Variants in EPG5 observed in about 807,000 individuals in gnomAD.
EPG5 encodes ectopic P-granules 5 autophagy tethering factor.
Under a neutral mutation model 302.7 loss-of-function variants are expected in EPG5, and 159 were observed. That is an observed-to-expected ratio of 0.53 (90% confidence interval 0.46 to 0.60). The LOEUF is 0.60. Among genes scored for constraint, EPG5 ranks in the 20% least tolerant of loss-of-function variants. The pLI is 0.00. For missense variants in EPG5, 2,896 were observed against 3,092.4 expected (o/e 0.94, Z 1.51); for synonymous variants, 1,158 against 1,136.8 (o/e 1.02, Z -0.37).
At chr18:45,923,218 T>A (rs2050194759) in intron 15 of EPG5, 50 bp downstream of exon 15, 1 of 1,594,836 alleles carries the variant, frequency 6.3e-7, no homozygotes, top group African/African-American at 1.3e-5. Context: ...TTTCTAAATG[T>A]CTTGGGAAGA....
chr18:45,813,042 G>A, the EPG5 span, among the ~76,000 whole-genome samples: 6 of 152,056 alleles, frequency 3.9e-5, no homozygotes, highest in Admixed American at 3.9e-4. Context: ...CTAATATACA[G>A]AATCTACAAT....
At chr18:45,838,610 A>T in the EPG5 span, 3 of 1,379,704 alleles carry the variant, frequency 2.2e-6, no homozygotes, top group South Asian at 4.6e-5. Context: ...CCTGGCACCC[A>T]AGTGCCCATT....
chr18:45,811,746 G>T, the EPG5 span, among the ~76,000 whole-genome samples: 1 of 152,062 alleles, frequency 6.6e-6, no homozygotes, highest in Non-Finnish European at 1.5e-5. Flanking sequence ...TCAATAAATT[G>T]GGTATTGATG....
chr18:45,837,889 C>A, the EPG5 span: 2 of 1,515,594 alleles, frequency 1.3e-6, no homozygotes, highest in Non-Finnish European at 1.7e-6. Context: ...TCCGGCTGCA[C>A]GTGACAGGCG....
At chr18:45,941,906 C>T (rs773234127) in intron 9 of EPG5, among the ~76,000 whole-genome samples, 1 of 152,202 alleles carries the variant, frequency 6.6e-6, no homozygotes, top group Non-Finnish European at 1.5e-5. Context: ...TAACTCTATA[C>T]TCAAGGCTTT....
intron 14 of EPG5, among the ~76,000 whole-genome samples, chr18:45,924,301 C>G (rs1226627600): frequency 6.6e-6 from 1 of 152,218 alleles, no homozygotes; most frequent in Non-Finnish European, 1.5e-5. Context: ...CTAGGTGATT[C>G]TGTTCACAAG....
chr18:45,870,857 T>A, intron 35 of EPG5, 115 bp from the exon 36 acceptor site: 1 of 803,166 alleles, frequency 1.2e-6, no homozygotes, highest in Non-Finnish European at 1.9e-6. Context: ...TTGACCCAAT[T>A]TCAAAGATTT....
At chr18:45,826,190 C>T in the EPG5 span, among the ~76,000 whole-genome samples, 1 of 150,628 alleles carries the variant, frequency 6.6e-6, no homozygotes, top group South Asian at 2.1e-4. Flanking sequence ...AGTGCATGGG[C>T]GTTTGGGGAC....
chr18:45,861,483 A>G (rs2145219767), intron 39 of EPG5, among the ~76,000 whole-genome samples: 1 of 152,088 alleles, frequency 6.6e-6, no homozygotes, highest in South Asian at 2.1e-4. Context: ...TGATCCTATC[A>G]CTCTTCCGAT....
At chr18:45,946,853 GC>G in intron 6 of EPG5, 85 bp from the exon 7 acceptor site, 1 of 1,020,920 alleles carries the variant, frequency 9.8e-7, no homozygotes, top group Non-Finnish European at 1.5e-6. Flanking sequence ...CTGAAGAAGA[GC>G]CACACATCAT....
chr18:45,861,096 A>C (rs1482961614), intron 39 of EPG5, among the ~76,000 whole-genome samples: 4 of 152,230 alleles, frequency 2.6e-5, no homozygotes, highest in Non-Finnish European at 5.9e-5. Context: ...ACAAGGATTC[A>C]GTATTTATGT....
At position 45,910,668 on chromosome 18, in the gene EPG5, T is replaced by C. The variant is rs766512091; in HGVS notation, c.4058A>G (p.Lys1353Arg). The change falls in exon 23 of 44, where the codon AAG becomes AGG. Residue 1353 changes from lysine to arginine, a missense_variant. Lys to Arg is a conservative substitution (Grantham distance 26). Coordinates refer to ENST00000282041, the MANE Select transcript of EPG5 (RefSeq NM_020964.3). Reference sequence around the variant, plus strand: ...GTCAGCCACCTCGGTCAAACGTCTCTTCATTTCTTTCAACAAATTGATATG... The same window carrying C: ...GTCAGCCACCTCGGTCAAACGTCTCCTCATTTCTTTCAACAAATTGATATG... ...PAHINLLKEMKRRLTEVADFH... is the reference protein window; with the variant it reads ...PAHINLLKEMRRRLTEVADFH... 6.2e-7 allele frequency: 1 copy of C among 1,614,170 alleles called. No individual in the cohort carries two copies. Among genetic ancestry groups the C allele is most frequent in the East Asian group, 2.2e-5 (1 of 44,876 alleles).
chr18:45,963,654 AAG>A (rs1228141374), intron 1 of EPG5, among the ~76,000 whole-genome samples: 1 of 152,086 alleles, frequency 6.6e-6, no homozygotes, highest in Non-Finnish European at 1.5e-5. Context: ...AAGAAAAGAA[AAG>A]AGAGAAAGTT....
At chr18:45,881,832 G>C (rs541076472) in intron 31 of EPG5, among the ~76,000 whole-genome samples, 2 of 152,254 alleles carry the variant, frequency 1.3e-5, no homozygotes, top group South Asian at 4.1e-4. Flanking sequence ...AAAAACAAGA[G>C]TAAAAGACTT....
Position 45,923,342 on chromosome 18 carries a change from T to G in EPG5, c.2764A>C (p.Met922Leu), listed in dbSNP as rs2050196928. ...TACTTCTGATAAGCTTCAAGAACCA[T>G]TAAAGCCACTTCAGCATGGACTGCT... is the stretch of plus-strand genomic sequence containing the variant. Reference protein sequence around the residue: ...DQAVHAEVALMVLEAYQKYLA... With the variant: ...DQAVHAEVALLVLEAYQKYLA... The change falls in exon 15 of 44, where the codon ATG (methionine) becomes CTG (leucine). Residue 922 changes from methionine (M) to leucine (L), a missense_variant. Met to Leu is a conservative substitution (Grantham distance 15). This residue lies in a region of EPG5 where 1,390 missense variants were observed against 1,430.0 expected (regional missense o/e 0.97). Coordinates refer to ENST00000282041, the MANE Select transcript of EPG5 (RefSeq NM_020964.3). 6.2e-7 allele frequency: 1 copy of G among 1,614,044 alleles called. No homozygotes were observed. Among genetic ancestry groups the G allele is most frequent in the East Asian group, 2.2e-5 (1 of 44,868 alleles).
At chr18:45,829,077 G>A in the EPG5 span, 3 of 985,668 alleles carry the variant, frequency 3.0e-6, no homozygotes, top group African/African-American at 1.7e-5. Flanking sequence ...GGGGGTGGGG[G>A]CACCAGCAGA....
chr18:45,882,835 C>T (rs934250812), intron 30 of EPG5, among the ~76,000 whole-genome samples: 1 of 151,748 alleles, frequency 6.6e-6, no homozygotes, highest in African/African-American at 2.4e-5. Flanking sequence ...TGGAGAAATC[C>T]GGTCTCTACT....
At chr18:45,837,545 C>A in the EPG5 span, 1 of 1,517,196 alleles carries the variant, frequency 6.6e-7, no homozygotes. Context: ...CATGCAGGTG[C>A]CACCCGAGGT....
At position 45,880,026 on chromosome 18, in the gene EPG5, G is replaced by A. The variant is rs2049056717; in HGVS notation, c.5667+49C>T. On this transcript the variant is annotated intron_variant, in intron 32 of 43. Coordinates refer to ENST00000282041, the MANE Select transcript of EPG5 (RefSeq NM_020964.3). ...AACTGCTTAAAAAATGAATAGCAAG[G>A]GAAATAAAAAGAAATGCACAAACAC... 2.7e-6 allele frequency: 4 copies of A among 1,486,520 alleles called. No individual in the cohort carries two copies. The South Asian group carries it at 4.1e-5, about 15-fold the overall frequency. The allele number at this position is 1,486,520 out of a possible 1,614,324, so 92.1% of individuals were successfully genotyped here. A position where few individuals can be genotyped will look rare whatever the true frequency, so the allele number is the denominator to read the frequency against.
Sources: gnomAD v4.1 joint callset for allele counts (sites outside exome capture counted in the v4.1 genomes callset) on GRCh38, gnomAD v4.1.1 for gene constraint, gnomAD v4.1.1 regional missense constraint, MANE v1.5 for transcripts, NCBI Gene and HGNC (gene_info 2026-07-23, HGNC 2026-07-21) for gene names.